Variants in TEX36 observed in about 807,000 individuals in gnomAD.
TEX36 encodes testis expressed 36.
In TEX36, 12 loss-of-function variants were observed where a neutral mutation model predicts 13.6. The ratio of observed to expected loss-of-function variants is 0.88; its 90% CI spans 0.56 to 1.43. TEX36 has a LOEUF of 1.43. TEX36 is among the 40% of genes most tolerant of loss of function. The pLI is 0.00. For synonymous variants in TEX36, 93 were observed against 83.0 expected (o/e 1.12, Z -0.65); for missense variants, 224 against 228.3 (o/e 0.98, Z 0.12).
At chr10:125,601,678 G>C (rs1421927766) in intron 3 of TEX36, among the ~76,000 whole-genome samples, 1 of 152,194 alleles carries the variant, frequency 6.6e-6, no homozygotes. Flanking sequence ...GGCTCAACTG[G>C]GGATCCAGGG....
chr10:125,670,522 C>A lies in TEX36; in HGVS notation c.52-8545G>T, dbSNP rs34449967. On this transcript the variant is annotated intron_variant, in intron 1 of 3. Coordinates refer to ENST00000368821, the MANE Select transcript of TEX36 (RefSeq NM_001128202.3). ...GAGATGGATAGATTGCAAAAAATTTCTCTCATTCTGTAGGTTGCCTGTTCA... is the reference window on the plus strand; with the variant it reads ...GAGATGGATAGATTGCAAAAAATTTATCTCATTCTGTAGGTTGCCTGTTCA... Among the ~76,000 whole-genome samples, 5 of 152,274 alleles carry A rather than the reference C, an allele frequency of 3.3e-5. No homozygotes were observed. The East Asian group carries it at 9.6e-4, about 29-fold the overall frequency.
intron 3 of TEX36, among the ~76,000 whole-genome samples, chr10:125,613,099 C>T (rs1052834483): frequency 6.6e-6 from 1 of 151,648 alleles, no homozygotes; most frequent in Non-Finnish European, 1.5e-5. Context: ...AGCAGAGTGT[C>T]GTGTTGAGGT....
intron 3 of TEX36, among the ~76,000 whole-genome samples, chr10:125,577,470 G>T (rs1428014036): frequency 2.0e-5 from 3 of 152,334 alleles, no homozygotes; most frequent in Middle Eastern, 6.8e-3. Flanking sequence ...GTGCACTCCA[G>T]CCTGGGGTAC....
intron 3 of TEX36, among the ~76,000 whole-genome samples, chr10:125,629,252 T>A (rs894244495): frequency 6.6e-6 from 1 of 152,216 alleles, no homozygotes; most frequent in African/African-American, 2.4e-5. Context: ...ATAGAGACGA[T>A]CTGAAGTTCA....
downstream of TEX36, among the ~76,000 whole-genome samples, chr10:125,619,871 T>G (rs1350870680): frequency 4.6e-5 from 7 of 151,532 alleles, no homozygotes; most frequent in Non-Finnish European, 1.5e-5. Flanking sequence ...TACTATTTAT[T>G]TATAAATATA....
At chr10:125,647,665 C>T (rs1187177151) in intron 3 of TEX36, among the ~76,000 whole-genome samples, 2 of 152,166 alleles carry the variant, frequency 1.3e-5, no homozygotes, top group East Asian at 1.9e-4. Flanking sequence ...CTCACTGGGG[C>T]TTGTCAGACA....
downstream of TEX36, among the ~76,000 whole-genome samples, chr10:125,654,573 T>C (rs1353875679): frequency 3.3e-5 from 5 of 152,098 alleles, no homozygotes; most frequent in East Asian, 9.6e-4. Context: ...TATTCTAAAA[T>C]TCATGTACAG....
At position 125,582,180 on chromosome 10, in the gene TEX36, T is replaced by G. The variant is rs1010582779; in HGVS notation, c.265-5306A>C. 6.6e-5 allele frequency among the ~76,000 whole-genome samples: 10 copies of G among 151,898 alleles called. No homozygotes were observed. The South Asian group carries it at 2.1e-3, about 32-fold the overall frequency. On this transcript the variant is annotated intron_variant, in intron 3 of 3. Transcript: ENST00000532135. ...AGCATCCCGCAGGGGTGGGGTGGAG[T>G]GGTGCCCTCAGGGAGGGCTGGCAGC...
chr10:125,633,256 T>C (rs1232824699), intron 3 of TEX36, among the ~76,000 whole-genome samples: 1 of 152,136 alleles, frequency 6.6e-6, no homozygotes, highest in Non-Finnish European at 1.5e-5. Context: ...TGATGAGAGA[T>C]GATTTTTTGT....
chr10:125,651,220 T>C (rs1846850121), downstream of TEX36, among the ~76,000 whole-genome samples: 2 of 152,194 alleles, frequency 1.3e-5, no homozygotes, highest in Admixed American at 1.3e-4. Flanking sequence ...CCAATATCCC[T>C]GATGAACACT....
intron 3 of TEX36, among the ~76,000 whole-genome samples, chr10:125,598,086 TA>T (rs1276231800): frequency 1.3e-5 from 2 of 152,120 alleles, no homozygotes; most frequent in Non-Finnish European, 2.9e-5. Flanking sequence ...GGCAGGCCCC[TA>T]AGAGGGGTCC....
At chr10:125,629,393 A>G (rs1436238740) in intron 3 of TEX36, among the ~76,000 whole-genome samples, 1 of 152,238 alleles carries the variant, frequency 6.6e-6, no homozygotes, top group Non-Finnish European at 1.5e-5. Flanking sequence ...TTTTAATGTC[A>G]GAATGCATGG....
chr10:125,650,009 G>C (rs1367831533), intron 3 of TEX36, among the ~76,000 whole-genome samples: 1 of 152,138 alleles, frequency 6.6e-6, no homozygotes, highest in Non-Finnish European at 1.5e-5. Flanking sequence ...AGTCCTTAGA[G>C]ACCTAGAAAG....
In TEX36 at chr10:125,576,951, A is replaced by G. The variant is rs1174838893; in HGVS notation, c.265-77T>C. On this transcript the variant is annotated intron_variant, in intron 3 of 3. Coordinates refer to the TEX36 transcript ENST00000532135. The stretch of plus-strand genomic sequence containing the variant: ...CTTGTAGTTCAGCAATCAGAGAGGA[A>G]AGGGGGCCTTATTCTCCCTGCCCAA... The G allele has an allele frequency of 2.0e-6, 3 of 1,518,996 alleles. No homozygotes were observed. In the East Asian group the frequency reaches 7.4e-5, roughly 37 times the overall value. The allele number at this position is 1,518,996 out of a possible 1,614,324, so 94.1% of individuals were successfully genotyped here. A position where few individuals can be genotyped will look rare whatever the true frequency, so the allele number is the denominator to read the frequency against.
chr10:125,629,839 G>T (rs977840356), intron 3 of TEX36, among the ~76,000 whole-genome samples: 1 of 152,094 alleles, frequency 6.6e-6, no homozygotes, highest in African/African-American at 2.4e-5. Context: ...ACTAGGGTTA[G>T]GTCCGCAAGG....
At chr10:125,612,089 C>CTTTTTTT (rs1221864951) in intron 3 of TEX36, among the ~76,000 whole-genome samples, 4 of 136,794 alleles carry the variant, frequency 2.9e-5, no homozygotes, top group Non-Finnish European at 3.1e-5. Flanking sequence ...TTTTCTTTTT[C>CTTTTTTT]TTTTTTTTTT....
chr10:125,632,749 T>A (rs544996989), intron 3 of TEX36, among the ~76,000 whole-genome samples: 39 of 152,244 alleles, frequency 2.6e-4, no homozygotes, highest in Non-Finnish European at 4.9e-4. Context: ...TCCGTCCGCT[T>A]TTCTGCAGGA....
intron 3 of TEX36, among the ~76,000 whole-genome samples, chr10:125,583,136 T>C (rs1170519406): frequency 6.6e-6 from 1 of 152,240 alleles, no homozygotes; most frequent in Non-Finnish European, 1.5e-5. Flanking sequence ...AATCTGACAA[T>C]CTGTCCAGCA....
intron 1 of TEX36, among the ~76,000 whole-genome samples, chr10:125,682,721 C>T (rs1194459036): frequency 6.6e-6 from 1 of 152,168 alleles, no homozygotes; most frequent in Non-Finnish European, 1.5e-5. Flanking sequence ...CACGAGGTTC[C>T]AGTGTGCTGA....
Sources: allele counts gnomAD v4.1 joint callset (sites outside exome capture counted in the v4.1 genomes callset), GRCh38; gene constraint gnomAD v4.1.1; transcripts MANE v1.5; gene names NCBI Gene and HGNC (gene_info 2026-07-23, HGNC 2026-07-21).